ATG4B: variants seen among roughly 807,000 people sequenced by gnomAD.
ATG4B encodes the protein cysteine protease ATG4B.
Under a neutral mutation model 56.6 loss-of-function variants are expected in ATG4B, and 29 were observed. That is an observed-to-expected ratio of 0.51 (90% CI 0.38 to 0.70). The LOEUF (loss-of-function observed/expected upper bound fraction) is 0.70, where lower values mean the gene tolerates loss of function less well. Among genes scored for constraint, ATG4B ranks in the 30% least tolerant of loss-of-function variants. The probability of loss-of-function intolerance (pLI) is 0.00; values close to 1 mark genes in which losing one functional copy is unlikely to be tolerated. For missense variants in ATG4B, 461 were observed against 515.5 expected, an observed-to-expected ratio of 0.89 and a Z score of 1.02; for synonymous variants, 224 against 206.1, an observed-to-expected ratio of 1.09 and a Z score of -0.74.
intron 7 of ATG4B, among the ~76,000 whole-genome samples, chr2:241,661,165 G>C (rs934585978): frequency 6.6e-6 from 1 of 152,176 alleles, no homozygotes; most frequent in African/African-American, 2.4e-5. Context: ...GGTGGCTCCC[G>C]GGAGGATGTG....
Position 241,651,154 on chromosome 2 carries a change from C to G in ATG4B, c.112+43C>G. On this transcript the variant is annotated intron_variant, in intron 2 of 12. Transcript: ENST00000404914. The surrounding 1 kb of genome is among the most constrained non-coding windows in gnomAD (Gnocchi z 4.1). ...GCCCACCCTGGTCTGACCGCTTGGC[C>G]TGCAGAAGCATTTTGTGATCACTGT... 8 of 1,577,900 alleles carry G rather than the reference C, an allele frequency of 5.1e-6. No individual in the cohort carries two copies. Among genetic ancestry groups the G allele is most frequent in the Non-Finnish European group, 6.9e-6 (8 of 1,156,124 alleles).
chr2:241,672,048 G>T, intron 12 of ATG4B, 143 bp from the exon 13 acceptor site: 1 of 1,448,314 alleles, frequency 6.9e-7, no homozygotes, highest in Non-Finnish European at 9.1e-7. Context: ...CACAACCCCC[G>T]GACCTGTTCA....
intron 4 of ATG4B, among the ~76,000 whole-genome samples, chr2:241,654,328 G>C (rs1230141773): frequency 2.0e-5 from 3 of 150,960 alleles, no homozygotes; most frequent in Non-Finnish European, 2.9e-5. Flanking sequence ...GGCTGAAGCA[G>C]GAGAATCGCT....
At chr2:241,656,303 C>T (rs1005158794) in intron 6 of ATG4B, among the ~76,000 whole-genome samples, 11 of 152,032 alleles carry the variant, frequency 7.2e-5, no homozygotes, top group South Asian at 2.1e-4. Flanking sequence ...ACGTCACCCG[C>T]GTCCCACGTC....
Position 241,668,348 on chromosome 2 carries a change from T to G in ATG4B, c.811+127T>G. 3 of 1,390,226 alleles carry G rather than the reference T, an allele frequency of 2.2e-6. No homozygotes were observed. In the East Asian group the frequency reaches 7.5e-5, roughly 35 times the overall value. The allele number at this position is 1,390,226 out of a possible 1,614,324, so 86.1% of individuals were successfully genotyped here. A position where few individuals can be genotyped will look rare whatever the true frequency, so the allele number is the denominator to read the frequency against. On this transcript the variant is annotated intron_variant, in intron 9 of 12. Coordinates refer to ENST00000404914, the MANE Select transcript of ATG4B (RefSeq NM_013325.5). This position sits in a 1 kb window ranked among gnomAD's most constrained non-coding sequence, Gnocchi z 4.2. ...GAAAAGCAGCATGCCCTGGGGTTCA[T>G]TTTCAGCCTGGTCGCGGGCGGCCTC...
Position 241,672,170 on chromosome 2 carries a change from G to A in ATG4B, c.1109-21G>A, listed in dbSNP as rs556015116. On this transcript the variant is annotated intron_variant, in intron 12 of 12. Transcript: ENST00000404914. ...GTGGCCCACCCAAGATGCCTGATGC[G>A]CTATGTCCTGTTCCTTCTAGATTCT... The A allele has an allele frequency of 5.1e-5, 80 of 1,564,572 alleles. No homozygotes were observed. In the South Asian group the frequency reaches 5.6e-4, roughly 11 times the overall value.
chr2:241,663,452 G>A (rs2068653198), intron 7 of ATG4B, among the ~76,000 whole-genome samples: 2 of 152,108 alleles, frequency 1.3e-5, no homozygotes, highest in African/African-American at 2.4e-5. Flanking sequence ...CCTGCTGCCT[G>A]GAAATGTGAA....
chr2:241,659,011 C>T (rs1559262686), intron 6 of ATG4B, 97 bp from the exon 7 acceptor site: 5 of 874,864 alleles, frequency 5.7e-6, no homozygotes, highest in Non-Finnish European at 8.7e-6. Context: ...CCGAGAAGCA[C>T]CTCTAACGCG....
Position 241,654,681 on chromosome 2 carries a change from G to A in ATG4B, c.385+34G>A, listed in dbSNP as rs531596504. On this transcript the variant is annotated intron_variant, in intron 5 of 12. Transcript: ENST00000404914. ...CTGCAGAATGTGCCAGGCCCCACCC[G>A]GGCTGTCTGGAGAGGGTGGAGTGGT... 72 of 1,535,142 alleles carry A rather than the reference G, an allele frequency of 4.7e-5. 1 individual carries two copies. In the East Asian group the frequency reaches 1.3e-3, roughly 27 times the overall value.
Position 241,651,011 on chromosome 2 carries a change from T to C in ATG4B, c.12T>C (p.Ala4=), listed in dbSNP as rs375173018. Residue 4 remains alanine, a splice_region_variant and synonymous_variant, in exon 2 of 13, where the codon GCT becomes GCC. Coordinates refer to ENST00000404914, the MANE Select transcript of ATG4B (RefSeq NM_013325.5). This position sits in a 1 kb window ranked among gnomAD's most constrained non-coding sequence, Gnocchi z 4.1. ...ATTGTGCATCTTTGGTTTCAACAGC[T>C]ACTCTGACCTACGACACTCTCCGGT... The part of the protein sequence containing the change: MDA[A]TLTYDTLRFA... 44 of 1,612,810 alleles carry C rather than the reference T, an allele frequency of 2.7e-5. No homozygotes were observed. The African/African-American group carries it at 5.5e-4, about 20-fold the overall frequency.
chr2:241,663,927 A>G (rs557820893), intron 7 of ATG4B, among the ~76,000 whole-genome samples: 1 of 151,544 alleles, frequency 6.6e-6, no homozygotes, highest in East Asian at 2.0e-4. Flanking sequence ...CCCCTGCCTC[A>G]GCCTCCTGAG....
intron 1 of ATG4B, among the ~76,000 whole-genome samples, chr2:241,642,206 C>T (rs1365052333): frequency 6.9e-6 from 1 of 144,354 alleles, no homozygotes; most frequent in African/African-American, 2.5e-5. Context: ...TGCTCTGTTT[C>T]CCAGGCTGGA....
chr2:241,656,224 C>T (rs2068398354), intron 6 of ATG4B, among the ~76,000 whole-genome samples: 1 of 152,214 alleles, frequency 6.6e-6, no homozygotes. Flanking sequence ...GCATGGCAGT[C>T]ACTGTCTCCA....
At chr2:241,655,508 T>C (rs1158486584) in intron 6 of ATG4B, 165 bp downstream of exon 6, 5 of 678,088 alleles carry the variant, frequency 7.4e-6, no homozygotes, top group South Asian at 1.9e-5. Flanking sequence ...GTCTTGTGAA[T>C]AGGAATTTAT....
intron 1 of ATG4B, among the ~76,000 whole-genome samples, chr2:241,641,594 G>C (rs1009310259): frequency 6.6e-6 from 1 of 152,074 alleles, no homozygotes; most frequent in African/African-American, 2.4e-5. Flanking sequence ...GACTTGGGGA[G>C]GTCCTGTCTG....
At chr2:241,661,359 G>A (rs530307119) in intron 7 of ATG4B, among the ~76,000 whole-genome samples, 130 of 152,304 alleles carry the variant, frequency 8.5e-4, no homozygotes, top group South Asian at 4.1e-3. Context: ...TGAGTGTGGC[G>A]TGGTGTTGTG....
At chr2:241,671,634 C>T (rs2068975403) in intron 12 of ATG4B, 18 of 1,475,794 alleles carry the variant, frequency 1.2e-5, no homozygotes, top group South Asian at 1.0e-4. Context: ...CGCTGCCTGC[C>T]CGGGCGCTGT....
intron 1 of ATG4B, among the ~76,000 whole-genome samples, chr2:241,644,885 G>C (rs541705113): frequency 2.6e-5 from 4 of 151,670 alleles, no homozygotes; most frequent in Admixed American, 1.3e-4. Flanking sequence ...GGAGGCGGAG[G>C]TTGCAGTGAG....
chr2:241,641,228 C>G (rs1442695441), intron 1 of ATG4B, among the ~76,000 whole-genome samples: 1 of 152,134 alleles, frequency 6.6e-6, no homozygotes. Context: ...TAAAGATGGC[C>G]CCATAGTGTA....
Sources: gnomAD v4.1 joint callset for allele counts (sites outside exome capture counted in the v4.1 genomes callset) on GRCh38, gnomAD v4.1.1 for gene constraint, Gnocchi (gnomAD v3.1) non-coding constraint, MANE v1.5 for transcripts, NCBI Gene and HGNC (gene_info 2026-07-23, HGNC 2026-07-21) for gene names.